Variants in RBFOX1 observed in about 807,000 individuals in gnomAD.
RBFOX1 encodes RNA binding fox-1 homolog 1.
RBFOX1 carries 8 observed loss-of-function variants against 57.7 expected under a neutral mutation model. The ratio of observed to expected loss-of-function variants is 0.14; its 90% CI spans 0.08 to 0.25. RBFOX1 has a LOEUF of 0.25. Ranked by LOEUF, RBFOX1 falls within the 10% of genes least tolerant of loss-of-function variation. The pLI is 1.00. For synonymous variants in RBFOX1, 326 were observed against 222.4 expected (o/e 1.47, Z -4.15); for missense variants, 611 against 548.5 (o/e 1.11, Z -1.14).
chr16:6,278,683 C>G (rs1451285412), intron 1 of RBFOX1, among the ~76,000 whole-genome samples: 2 of 151,460 alleles, frequency 1.3e-5, no homozygotes. Context: ...TCTCATAATC[C>G]TTTATTTGTT....
chr16:6,720,464 G>A (rs980642880), intron 3 of RBFOX1, among the ~76,000 whole-genome samples: 44 of 152,092 alleles, frequency 2.9e-4, no homozygotes, highest in African/African-American at 9.9e-4. Context: ...TTGCAAGAAT[G>A]GACTCATACA....
At chr16:7,460,316 G>A (rs2059300525) in intron 4 of RBFOX1, among the ~76,000 whole-genome samples, 1 of 145,762 alleles carries the variant, frequency 6.9e-6, no homozygotes, top group Non-Finnish European at 1.5e-5. Flanking sequence ...CTCTTCCACA[G>A]ACTTCTGGTA....
chr16:5,624,675 C>T (rs558365807), intron 3 of RBFOX1, among the ~76,000 whole-genome samples: 1 of 152,216 alleles, frequency 6.6e-6, no homozygotes, highest in East Asian at 1.9e-4. Flanking sequence ...AGCTGAAGGG[C>T]GCTCTCAGCT....
chr16:5,832,319 AG>A (rs1421614181), intron 3 of RBFOX1, among the ~76,000 whole-genome samples: 3 of 152,296 alleles, frequency 2.0e-5, no homozygotes, highest in Non-Finnish European at 2.9e-5. Context: ...CTAATGGACT[AG>A]GGAAGGGTGA....
intron 3 of RBFOX1, among the ~76,000 whole-genome samples, chr16:6,663,282 AG>A (rs2098712568): frequency 6.6e-6 from 1 of 152,198 alleles, no homozygotes; most frequent in African/African-American, 2.4e-5. Flanking sequence ...GCTCAGCTTA[AG>A]TATTTGTATA....
At chr16:7,165,974 A>ATAAG (rs1555526107) in intron 4 of RBFOX1, among the ~76,000 whole-genome samples, 2 of 150,246 alleles carry the variant, frequency 1.3e-5, no homozygotes, top group African/African-American at 4.9e-5. Flanking sequence ...ACATACATAC[A>ATAAG]TACACCCCAG....
chr16:5,867,308 G>C, exon 4 of RBFOX1: 1 of 1,208,918 alleles, frequency 8.3e-7, no homozygotes, highest in Non-Finnish European at 1.0e-6. Flanking sequence ...TGCAGGTTTC[G>C]GCAAGTCAGG....
intron 4 of RBFOX1, among the ~76,000 whole-genome samples, chr16:7,386,188 G>T (rs1050210153): frequency 2.4e-4 from 36 of 152,148 alleles, no homozygotes; most frequent in Middle Eastern, 3.4e-3. Context: ...GGCAAAGCGG[G>T]TATCTGCATC....
At chr16:5,626,352 C>G (rs1276735781) in intron 3 of RBFOX1, among the ~76,000 whole-genome samples, 1 of 152,178 alleles carries the variant, frequency 6.6e-6, no homozygotes, top group East Asian at 1.9e-4. Flanking sequence ...CTTTCTGTGT[C>G]TGTGTGTGTC....
Position 6,925,109 on chromosome 16 carries a change from G to GTTTTTTTTTTT in RBFOX1, c.-15-126916_-15-126906dup, listed in dbSNP as rs57556084. On this transcript the variant is annotated intron_variant, in intron 3 of 15. Transcript: ENST00000550418. ...TCGTTGTTGGACATCTAGGTTGTTG[G>GTTTTTTTTTTT]TTTTTTTTTTTTTTTTTTTTTTTTT... Among the ~76,000 whole-genome samples the GTTTTTTTTTTT allele has an allele frequency of 9.5e-4, 43 of 45,250 alleles. 12 individuals are homozygous for GTTTTTTTTTTT. Among genetic ancestry groups the GTTTTTTTTTTT allele is most frequent in the African/African-American group, 2.5e-3 (28 of 11,332 alleles). The allele number at this position is 45,250 out of a possible 152,430, so 29.7% of individuals were successfully genotyped here.
chr16:7,239,780 A>G (rs1225685379), intron 4 of RBFOX1, among the ~76,000 whole-genome samples: 2 of 152,166 alleles, frequency 1.3e-5, no homozygotes, highest in Non-Finnish European at 2.9e-5. Context: ...TCACTTAGGG[A>G]TGAAAATGGG....
chr16:7,060,576 G>C (rs1055927068), intron 4 of RBFOX1, among the ~76,000 whole-genome samples: 6 of 152,128 alleles, frequency 3.9e-5, no homozygotes, highest in African/African-American at 1.4e-4. Context: ...ATTAGGGCTG[G>C]AAACACAAAA....
chr16:7,116,250 G>C (rs924539521), intron 4 of RBFOX1, among the ~76,000 whole-genome samples: 25 of 152,120 alleles, frequency 1.6e-4, no homozygotes, highest in Admixed American at 1.6e-3. Context: ...AGCCCATGCA[G>C]TAAACCAATC....
Position 6,501,435 on chromosome 16 carries a change from C to G in RBFOX1, c.-63-153168C>G, listed in dbSNP as rs1293646566. 2.0e-5 allele frequency among the ~76,000 whole-genome samples: 3 copies of G among 151,686 alleles called. No homozygotes were observed. The East Asian group carries it at 5.9e-4, about 30-fold the overall frequency. On this transcript the variant is annotated intron_variant, in intron 2 of 15. Coordinates refer to ENST00000550418, the MANE Select transcript of RBFOX1 (RefSeq NM_018723.4). ...GATAGTTTGCTAAGAATGATGGTTT[C>G]CAGCTTCGTCCATGTCCCTACAAAG...
At chr16:6,056,797 A>G (rs2095619878) in intron 1 of RBFOX1, among the ~76,000 whole-genome samples, 1 of 151,930 alleles carries the variant, frequency 6.6e-6, no homozygotes, top group South Asian at 2.1e-4. Context: ...ACAGTGATAA[A>G]TATTTGAGAC....
chr16:5,470,456 C>G (rs917536634), intron 2 of RBFOX1, among the ~76,000 whole-genome samples: 2 of 152,140 alleles, frequency 1.3e-5, no homozygotes, highest in Non-Finnish European at 2.9e-5. Flanking sequence ...GTTGTTTAAC[C>G]CAGATACACA....
At position 6,914,802 on chromosome 16, in the gene RBFOX1, C is replaced by T. The variant is rs151084652; in HGVS notation, c.-15-137255C>T. ...AGCAAGGAGGCAGAAACAACAAGAT[C>T]GCTGAAGCCCAGGAGTTCAAGGCTG... is the stretch of plus-strand genomic sequence containing the variant. On this transcript the variant is annotated intron_variant, in intron 3 of 15. Transcript: ENST00000550418. Among the ~76,000 whole-genome samples the T allele has an allele frequency of 5.8e-3, 880 of 152,258 alleles. 9 individuals are homozygous for T. Among genetic ancestry groups the T allele is most frequent in the African/African-American group, 0.019 (795 of 41,560 alleles).
intron 3 of RBFOX1, among the ~76,000 whole-genome samples, chr16:7,039,745 G>T (rs181359980): frequency 2.9e-4 from 44 of 152,222 alleles, no homozygotes; most frequent in African/African-American, 1.1e-3. Context: ...ACAACCATAC[G>T]TCGGATTATA....
chr16:6,819,480 G>C (rs1037332124), intron 3 of RBFOX1, among the ~76,000 whole-genome samples: 1 of 152,056 alleles, frequency 6.6e-6, no homozygotes, highest in Non-Finnish European at 1.5e-5. Context: ...CAGGCGGGCG[G>C]ATCACCTGAG....
Sources: allele counts gnomAD v4.1 joint callset (sites outside exome capture counted in the v4.1 genomes callset), GRCh38; gene constraint gnomAD v4.1.1; transcripts MANE v1.5; gene names NCBI Gene and HGNC (gene_info 2026-07-23, HGNC 2026-07-21).